The following MACF1 variants were observed in gnomAD, a reference collection of about 807,000 sequenced individuals.
MACF1 encodes microtubule actin crosslinking factor 1.
A neutral mutation model predicts 854.8 loss-of-function variants in MACF1; 193 were observed. That is an observed-to-expected ratio of 0.23 (90% CI 0.20 to 0.25). The LOEUF (loss-of-function observed/expected upper bound fraction) is 0.25. MACF1 is among the 10% of genes least tolerant of loss of function. The probability of loss-of-function intolerance (pLI) is 1.00; values close to 1 mark genes in which losing one functional copy is unlikely to be tolerated. For missense variants in MACF1, 7,722 were observed against 8,929.1 expected (o/e 0.86, Z 5.45); for synonymous variants, 3,185 against 3,226.7 (o/e 0.99, Z 0.44).
At chr1:39,101,418 C>A (rs768516327) in intron 2 of MACF1, among the ~76,000 whole-genome samples, 3 of 150,146 alleles carry the variant, frequency 2.0e-5, no homozygotes, top group Non-Finnish European at 4.4e-5. Flanking sequence ...TTTTAGAGAC[C>A]GAATTTTGCC....
At position 39,333,494 on chromosome 1, in the gene MACF1, A is replaced by G. The variant is rs747850910; in HGVS notation, c.6906A>G (p.Thr2302=). 6.2e-7 allele frequency: 1 copy of G among 1,614,136 alleles called. No individual in the cohort carries two copies. Among genetic ancestry groups the G allele is most frequent in the Non-Finnish European group, 8.5e-7 (1 of 1,180,044 alleles). The part of the protein sequence containing the change: ...LLDGGIFHEQ[T]GQKLLLNEAI... ...ATGGTGGTATCTTTCATGAACAAAC[A>G]GGTCAAAAGCTCTTACTAAATGAAG... The change falls in exon 37 of 101, where the codon ACA becomes ACG. Residue 2302 remains threonine, a synonymous_variant. Transcript: ENST00000564288.
In MACF1 at chr1:39,105,320, GAGCCGCCGCCGCCGCCCGCCGCTGC is replaced by G. The variant is rs1318981276; in HGVS notation, c.220+20889_220+20913del. The G allele has an allele frequency of 1.7e-5, 14 of 817,682 alleles. No individual in the cohort carries two copies. The highest frequency in any genetic ancestry group is 1.9e-5 in the Non-Finnish European group (13 of 677,530). 50.7% of individuals were successfully genotyped at this position (817,682 alleles called of 1,614,324 possible). A position where few individuals can be genotyped will look rare whatever the true frequency, so the allele number is the denominator to read the frequency against. On this transcript the variant is annotated intron_variant, in intron 2 of 93. Coordinates refer to the MACF1 transcript ENST00000361689. This position sits in a 1 kb window ranked among gnomAD's most constrained non-coding sequence, Gnocchi z 5.9. ...CCGGGCCTGGCGCTCCTGACAGGAG[GAGCCGCCGCCGCCGCCCGCCGCTGC>G]AGCCGCGCCGGGGCGGGCTGAGGGA...
chr1:39,485,146 C>T (rs1325337418), intron 100 of MACF1: 3 of 306,952 alleles, frequency 9.8e-6, no homozygotes, highest in Non-Finnish European at 1.8e-5. Context: ...TACTGTTCCT[C>T]ATGGGAACCT....
Position 39,205,056 on chromosome 1 carries a change from A to G in MACF1, c.34A>G (p.Thr12Ala), listed in dbSNP as rs778701487. 32 of 702,918 alleles carry G rather than the reference A, an allele frequency of 4.6e-5. No individual in the cohort carries two copies. Among genetic ancestry groups the G allele is most frequent in the African/African-American group, 5.2e-5 (3 of 57,340 alleles). 43.5% of individuals were successfully genotyped at this position (702,918 alleles called of 1,614,324 possible). Residue 12 changes from threonine (T) to alanine (A), a missense_variant, in exon 1 of 101, where the codon ACC becomes GCC. Physicochemically the swap from Thr to Ala is moderately conservative, Grantham distance 58 (BLOSUM62 0). Around this residue, in one of 15 missense-constraint regions of MACF1, gnomAD observed 22 missense variants for 16.1 expected, o/e 1.37. Coordinates refer to ENST00000564288, the MANE Select transcript of MACF1 (RefSeq NM_001394062.1). The stretch of plus-strand genomic sequence containing the variant: ...CTTAGATTCATCTTATTTACCACCA[A>G]CCATCTTTATTTTGACTCACGTTCT... The part of the protein sequence containing the change: ...PLLDSSYLPP[T>A]IFILTHVLGV...
chr1:39,294,760 C>T (rs555758282), intron 18 of MACF1, among the ~76,000 whole-genome samples: 1 of 152,276 alleles, frequency 6.6e-6, no homozygotes, highest in African/African-American at 2.4e-5. Context: ...CAGGAACTGT[C>T]CACTCCAGCC....
rs1025956731 is a variant in MACF1, at chr1:39,460,179, A to C, written c.21361-453A>C. On this transcript the variant is annotated intron_variant, in intron 91 of 100. Transcript: ENST00000564288. This position sits in a 1 kb window ranked among gnomAD's most constrained non-coding sequence, Gnocchi z 4.1. The stretch of plus-strand genomic sequence containing the variant: ...TCCAGAACTCAGATTTTCTCATTGA[A>C]ATCTCAGAAGATAGTGGTAAACACG... Among the ~76,000 whole-genome samples, 177 of 152,196 alleles carry C rather than the reference A, an allele frequency of 1.2e-3. 7 individuals are homozygous for C. The highest frequency in any genetic ancestry group is 8.5e-4 in the Admixed American group (13 of 15,286).
At chr1:39,454,502 T>G (rs1280834056) in intron 88 of MACF1, among the ~76,000 whole-genome samples, 2 of 152,152 alleles carry the variant, frequency 1.3e-5, no homozygotes, top group Non-Finnish European at 2.9e-5. Context: ...GTCTCTCCTC[T>G]AAAAAGTCAT....
intron 72 of MACF1, 33 bp downstream of exon 72, chr1:39,439,533 G>A (rs1164304235): frequency 1.3e-6 from 2 of 1,546,108 alleles, no homozygotes; most frequent in East Asian, 2.3e-5. Context: ...TTTCTTAGGT[G>A]TCTGTCCTCT....
intron 38 of MACF1, among the ~76,000 whole-genome samples, chr1:39,338,357 C>T (rs1646864274): frequency 6.6e-6 from 1 of 151,800 alleles, no homozygotes; most frequent in Non-Finnish European, 1.5e-5. Flanking sequence ...GAGGCGATAA[C>T]TACCTTAGCA....
rs139578945 is a variant in MACF1, at chr1:39,225,217, C to CTT, written c.110-5956_110-5955dup. Among the ~76,000 whole-genome samples, 37 of 125,196 alleles carry CTT rather than the reference C, an allele frequency of 3.0e-4. 3 individuals carry two copies. The highest frequency in any genetic ancestry group is 2.3e-3 in the East Asian group (10 of 4,300). 82.1% of individuals were successfully genotyped at this position (125,196 alleles called of 152,430 possible). A position where few individuals can be genotyped will look rare whatever the true frequency, so the allele number is the denominator to read the frequency against. On this transcript the variant is annotated intron_variant, in intron 1 of 100. Coordinates refer to ENST00000564288, the MANE Select transcript of MACF1 (RefSeq NM_001394062.1). Reference sequence around the variant, plus strand: ...AACAAATAGCAAATTTTTCTTTTTTCTTTTTTTTTTGAGACGGAGTCTCGC... The same window carrying CTT: ...AACAAATAGCAAATTTTTCTTTTTTCTTTTTTTTTTTTGAGACGGAGTCTCGC...
intron 70 of MACF1, chr1:39,436,151 A>G: frequency 2.4e-6 from 1 of 418,958 alleles, no homozygotes; most frequent in South Asian, 4.4e-5. Context: ...TTCTTAAGCA[A>G]CCAGCTAACT....
intron 2 of MACF1, among the ~76,000 whole-genome samples, chr1:39,191,105 A>T (rs1481952144): frequency 6.6e-6 from 1 of 152,122 alleles, no homozygotes; most frequent in East Asian, 1.9e-4. Flanking sequence ...ATAGGTAGGG[A>T]AAAAATGTAG....
intron 6 of MACF1, among the ~76,000 whole-genome samples, chr1:39,262,324 C>A (rs900221066): frequency 2.2e-5 from 3 of 135,834 alleles, no homozygotes; most frequent in Non-Finnish European, 4.6e-5. Flanking sequence ...TCACTTGAAC[C>A]CGGGAGGTGG....
At chr1:39,236,601 T>C (rs564606090) in intron 2 of MACF1, among the ~76,000 whole-genome samples, 1 of 152,320 alleles carries the variant, frequency 6.6e-6, no homozygotes, top group South Asian at 2.1e-4. Flanking sequence ...TTGTGTCTTA[T>C]TGTTTATAGT....
At chr1:39,230,584 T>TAAA (rs547789042) in intron 1 of MACF1, among the ~76,000 whole-genome samples, 4 of 137,730 alleles carry the variant, frequency 2.9e-5, no homozygotes, top group Non-Finnish European at 1.6e-5. Flanking sequence ...GTTAAAGAGG[T>TAAA]AAAAAAAAAA....
chr1:39,177,251 T>G (rs372143507), intron 2 of MACF1, among the ~76,000 whole-genome samples: 4 of 152,314 alleles, frequency 2.6e-5, no homozygotes, highest in African/African-American at 9.6e-5. Context: ...TTCTCCTGCC[T>G]CAGCCTCCTG....
chr1:39,410,705 G>A (rs1338453067), intron 58 of MACF1: 1 of 1,613,902 alleles, frequency 6.2e-7, no homozygotes, highest in Admixed American at 1.7e-5. Context: ...TTTGCAGAGA[G>A]GATAGAAGCT....
chr1:39,466,394 A>T (rs1644668067), intron 95 of MACF1, among the ~76,000 whole-genome samples: 1 of 152,236 alleles, frequency 6.6e-6, no homozygotes, highest in African/African-American at 2.4e-5. Flanking sequence ...ATAGCTTAGC[A>T]GAAACAAGTT....
rs951313550 is a variant in MACF1 at position 39,409,770 on chromosome 1, C to G, written c.15817-12604C>G. On this transcript the variant is annotated intron_variant, in intron 58 of 100. Transcript: ENST00000564288. The surrounding 1 kb of genome is among the most constrained non-coding windows in gnomAD (Gnocchi z 4.2). ...GGCTAATTCAGACCAGCTGGACTCT[C>G]CAGGGCTGGAACTGAGGATAAAATG... The G allele has an allele frequency of 6.5e-6, 1 of 153,544 alleles. No individual in the cohort carries two copies. The highest frequency in any genetic ancestry group is 6.5e-5 in the Admixed American group (1 of 15,416). The allele number at this position is 153,544 out of a possible 1,614,324, so 9.5% of individuals were successfully genotyped here.
Sources: gnomAD v4.1 joint callset for allele counts (sites outside exome capture counted in the v4.1 genomes callset) on GRCh38, gnomAD v4.1.1 for gene constraint, gnomAD v4.1.1 regional missense constraint, Gnocchi (gnomAD v3.1) non-coding constraint, MANE v1.5 for transcripts, NCBI Gene and HGNC (gene_info 2026-07-23, HGNC 2026-07-21) for gene names.